CTNNA3: variants seen among roughly 807,000 people sequenced by gnomAD.
CTNNA3 encodes catenin alpha 3, also known as catenin alpha-3.
In CTNNA3, 76 loss-of-function variants were observed where a neutral mutation model predicts 95.7. The observed-to-expected ratio is 0.79, with a 90% CI of 0.66 to 0.96. The LOEUF is 0.96. CTNNA3 is among the 40% of genes least tolerant of loss of function. The pLI is 0.00. For synonymous variants in CTNNA3, 431 were observed against 374.4 expected (o/e 1.15, Z -1.74); for missense variants, 1,191 against 1,089.8 (o/e 1.09, Z -1.31).
intron 3 of CTNNA3, among the ~76,000 whole-genome samples, chr10:67,579,384 C>A (rs58188166): frequency 3.3e-5 from 5 of 152,084 alleles, no homozygotes; most frequent in African/African-American, 9.6e-5. Context: ...GACATCAACC[C>A]ATCCTTTTTT....
chr10:67,288,617 C>G (rs532467142), intron 5 of CTNNA3, among the ~76,000 whole-genome samples: 2 of 152,266 alleles, frequency 1.3e-5, no homozygotes, highest in South Asian at 4.1e-4. Flanking sequence ...TAAAACTATG[C>G]TAAAACTACA....
At chr10:65,948,280 CAAAAAAAA>C (rs56966630) in intron 17 of CTNNA3, among the ~76,000 whole-genome samples, 1 of 97,732 alleles carries the variant, frequency 1.0e-5, no homozygotes. Flanking sequence ...GACTCCATCT[CAAAAAAAA>C]AAAAAAAAAA....
chr10:66,710,578 T>A (rs1442310877), intron 9 of CTNNA3, among the ~76,000 whole-genome samples: 1 of 151,920 alleles, frequency 6.6e-6, no homozygotes, highest in Non-Finnish European at 1.5e-5. Context: ...TTTGTGATAA[T>A]GAAGAAATAA....
intron 7 of CTNNA3, among the ~76,000 whole-genome samples, chr10:67,119,091 C>T (rs981717163): frequency 1.3e-5 from 2 of 151,850 alleles, no homozygotes; most frequent in Admixed American, 1.3e-4. Flanking sequence ...CTAATGAAAA[C>T]ATCAATGTGT....
At chr10:66,054,653 T>G (rs1233368540) in intron 15 of CTNNA3, among the ~76,000 whole-genome samples, 1 of 152,186 alleles carries the variant, frequency 6.6e-6, no homozygotes, top group Non-Finnish European at 1.5e-5. Flanking sequence ...GGCAAATATT[T>G]TTTTCCATCC....
At chr10:66,491,154 T>C (rs367862785) in intron 11 of CTNNA3, among the ~76,000 whole-genome samples, 1 of 152,276 alleles carries the variant, frequency 6.6e-6, no homozygotes, top group Non-Finnish European at 1.5e-5. Context: ...TTTAATCTAT[T>C]TTATATAGAT....
At chr10:66,645,349 T>C (rs1467009595) in intron 9 of CTNNA3, among the ~76,000 whole-genome samples, 1 of 152,190 alleles carries the variant, frequency 6.6e-6, no homozygotes, top group Non-Finnish European at 1.5e-5. Context: ...TTTAATATTT[T>C]ACCTTTGTCT....
In CTNNA3 at chr10:67,566,055, A is replaced by G. The variant is rs1314103409; in HGVS notation, c.293-26386T>C. Among the ~76,000 whole-genome samples, 101 of 87,076 alleles carry G rather than the reference A, an allele frequency of 1.2e-3. 15 individuals carry two copies. Among genetic ancestry groups the G allele is most frequent in the East Asian group, 0.011 (23 of 2,022 alleles). 57.1% of individuals were successfully genotyped at this position (87,076 alleles called of 152,430 possible). ...CATATGTGTGTGTGTATATATATAT[A>G]TATATATATATATATATACAAAACC... is the stretch of plus-strand genomic sequence containing the variant. On this transcript the variant is annotated intron_variant, in intron 3 of 17. Coordinates refer to ENST00000433211, the MANE Select transcript of CTNNA3 (RefSeq NM_013266.4).
chr10:67,261,037 G>A (rs765814311), intron 5 of CTNNA3, among the ~76,000 whole-genome samples: 1 of 152,166 alleles, frequency 6.6e-6, no homozygotes, highest in South Asian at 2.1e-4. Context: ...GTTATCAAGT[G>A]CTCTGATAGA....
chr10:66,148,749 T>C (rs1054119873), intron 13 of CTNNA3, among the ~76,000 whole-genome samples: 1 of 151,994 alleles, frequency 6.6e-6, no homozygotes, highest in Non-Finnish European at 1.5e-5. Flanking sequence ...TAAAGTAATT[T>C]GTTATAGCAG....
At chr10:66,599,275 G>A (rs766013040) in intron 10 of CTNNA3, among the ~76,000 whole-genome samples, 2 of 151,962 alleles carry the variant, frequency 1.3e-5, no homozygotes, top group Non-Finnish European at 2.9e-5. Context: ...ATTCCACTCA[G>A]AGAGGCAAAG....
chr10:67,694,606 A>T (rs558180918), intron 1 of CTNNA3, among the ~76,000 whole-genome samples: 10 of 152,188 alleles, frequency 6.6e-5, no homozygotes, highest in Non-Finnish European at 1.5e-5. Flanking sequence ...AATTATATTC[A>T]TTCACTTGAA....
intron 7 of CTNNA3, among the ~76,000 whole-genome samples, chr10:66,918,188 C>T (rs866961139): frequency 2.6e-5 from 4 of 152,230 alleles, no homozygotes; most frequent in Middle Eastern, 6.8e-3. Flanking sequence ...CAAAAATTAG[C>T]AGATTTATTT....
At chr10:66,380,127 TA>T (rs2092825530) in intron 11 of CTNNA3, among the ~76,000 whole-genome samples, 1 of 152,192 alleles carries the variant, frequency 6.6e-6, no homozygotes, top group Non-Finnish European at 1.5e-5. Context: ...AAGATCTCAG[TA>T]ATTCCAGAAC....
At chr10:66,199,792 TA>T (rs2087238403) in intron 13 of CTNNA3, among the ~76,000 whole-genome samples, 12 of 16,274 alleles carry the variant, frequency 7.4e-4, no homozygotes, top group Admixed American at 1.5e-3. Context: ...TATATATATA[TA>T]TATATATATA....
intron 9 of CTNNA3, among the ~76,000 whole-genome samples, chr10:66,696,625 C>T (rs538338860): frequency 6.6e-6 from 1 of 152,148 alleles, no homozygotes; most frequent in East Asian, 1.9e-4. Context: ...AATAAGAAAG[C>T]CTCTTAATCA....
At chr10:66,459,891 A>C (rs2093517304) in intron 11 of CTNNA3, among the ~76,000 whole-genome samples, 1 of 152,094 alleles carries the variant, frequency 6.6e-6, no homozygotes, top group Non-Finnish European at 1.5e-5. Flanking sequence ...TTTAGTAATT[A>C]TTTATTTATT....
Position 67,226,783 on chromosome 10 carries a change from A to G in CTNNA3, c.580-6913T>C, listed in dbSNP as rs115887844. On this transcript the variant is annotated intron_variant, in intron 5 of 17. Coordinates refer to ENST00000433211, the MANE Select transcript of CTNNA3 (RefSeq NM_013266.4). ...TCAAAACAGAACCTCTTTAAAGCAG[A>G]AATCATACAGGACCTATAAAACAAA... Among the ~76,000 whole-genome samples the G allele has an allele frequency of 2.4e-3, 371 of 152,324 alleles. 2 individuals are homozygous for G. Among genetic ancestry groups the G allele is most frequent in the African/African-American group, 8.7e-3 (360 of 41,572 alleles).
intron 11 of CTNNA3, among the ~76,000 whole-genome samples, chr10:66,446,837 G>T (rs1414966611): frequency 2.6e-5 from 4 of 151,974 alleles, no homozygotes; most frequent in Non-Finnish European, 5.9e-5. Flanking sequence ...CAATCAGGCA[G>T]CAGAAGGAAA....
Sources: allele counts gnomAD v4.1 joint callset (sites outside exome capture counted in the v4.1 genomes callset), GRCh38; gene constraint gnomAD v4.1.1; transcripts MANE v1.5; gene names NCBI Gene and HGNC (gene_info 2026-07-23, HGNC 2026-07-21).